The following RTN4 variants were observed in gnomAD, a reference collection of about 807,000 sequenced individuals.
The protein encoded by RTN4 is reticulon-4.
A neutral mutation model predicts 90.4 loss-of-function variants in RTN4; 32 were observed. That is an observed-to-expected ratio of 0.35 (90% confidence interval 0.27 to 0.48). The LOEUF (loss-of-function observed/expected upper bound fraction) is 0.48, where lower values mean the gene tolerates loss of function less well. RTN4 is among the 20% of genes least tolerant of loss of function. RTN4 has a pLI of 0.99. For missense variants in RTN4, 1,706 were observed against 1,430.2 expected (o/e 1.19, Z -3.11); for synonymous variants, 629 against 552.5 (o/e 1.14, Z -1.94).
intron 1 of RTN4, among the ~76,000 whole-genome samples, chr2:55,082,905 C>T (rs1254201379): frequency 2.0e-5 from 3 of 152,016 alleles, no homozygotes; most frequent in Non-Finnish European, 2.9e-5. Flanking sequence ...TCTCTGAGAC[C>T]GCGCCACTGC....
intron 1 of RTN4, among the ~76,000 whole-genome samples, chr2:55,089,674 T>C (rs1194622728): frequency 2.0e-5 from 3 of 152,260 alleles, no homozygotes; most frequent in Non-Finnish European, 4.4e-5. Flanking sequence ...CTAGTCGTCA[T>C]TTCCCAAATC....
chr2:55,001,101 G>T (rs950078894), intron 3 of RTN4, among the ~76,000 whole-genome samples: 5 of 151,966 alleles, frequency 3.3e-5, no homozygotes, highest in Admixed American at 6.6e-5. Flanking sequence ...GACAAACACA[G>T]CATATAAAGC....
At chr2:55,060,081 C>T (rs888242613) in intron 2 of RTN4, among the ~76,000 whole-genome samples, 1 of 152,100 alleles carries the variant, frequency 6.6e-6, no homozygotes, top group Non-Finnish European at 1.5e-5. Flanking sequence ...GTCTTGCTAT[C>T]TTCCCACAGC....
the RTN4 span, among the ~76,000 whole-genome samples, chr2:55,133,884 A>C: frequency 6.6e-6 from 1 of 152,188 alleles, no homozygotes. Context: ...AGCAAAGTGA[A>C]AGCAAGTTTA....
chr2:54,998,361 T>C (rs939383726), intron 3 of RTN4, among the ~76,000 whole-genome samples: 10 of 152,184 alleles, frequency 6.6e-5, no homozygotes, highest in Non-Finnish European at 4.4e-5. Context: ...CTACCTAACT[T>C]TATCCCCAGA....
chr2:55,134,848 G>A, the RTN4 span, among the ~76,000 whole-genome samples: 2 of 152,200 alleles, frequency 1.3e-5, no homozygotes, highest in South Asian at 4.1e-4. Context: ...TCCTGAGGAG[G>A]AAACAATTCT....
At chr2:55,041,745 TA>T (rs1683091120) in intron 1 of RTN4, among the ~76,000 whole-genome samples, 2 of 152,012 alleles carry the variant, frequency 1.3e-5, no homozygotes. Flanking sequence ...ATAAAAAGTA[TA>T]AAAGTACTTA....
chr2:55,019,575 T>C (rs544223716), intron 3 of RTN4, among the ~76,000 whole-genome samples: 2 of 152,234 alleles, frequency 1.3e-5, no homozygotes, highest in East Asian at 1.9e-4. Flanking sequence ...AATGAACCCA[T>C]AGCCTCAAAT....
rs1573405267 is a variant in RTN4, at chr2:55,023,082, C to T, written c.3013+2004G>A. Among the ~76,000 whole-genome samples, 5 of 152,220 alleles carry T rather than the reference C, an allele frequency of 3.3e-5. 2 individuals are homozygous for T. The highest frequency in any genetic ancestry group is 3.3e-4 in the Admixed American group (5 of 15,286). Reference sequence around the variant, plus strand: ...ATCTACTCTCCTCCTACCTCTCCTACCTTTTTCTATTCACATCCTTCAACT... The same window carrying T: ...ATCTACTCTCCTCCTACCTCTCCTATCTTTTTCTATTCACATCCTTCAACT... On this transcript the variant is annotated intron_variant, in intron 3 of 8. Coordinates refer to ENST00000337526, the MANE Select transcript of RTN4 (RefSeq NM_020532.5).
intron 1 of RTN4, among the ~76,000 whole-genome samples, chr2:55,093,761 A>G (rs868337313): frequency 9.2e-5 from 14 of 152,326 alleles, no homozygotes; most frequent in Non-Finnish European, 1.6e-4. Context: ...CAGCCAGAGG[A>G]AGGCAGTCTG....
At chr2:54,986,523 G>T (rs937975068) in intron 4 of RTN4, among the ~76,000 whole-genome samples, 1 of 152,216 alleles carries the variant, frequency 6.6e-6, no homozygotes, top group African/African-American at 2.4e-5. Context: ...CAGGCCCCTG[G>T]TTAGACTGAG....
At chr2:55,007,783 C>T (rs999960194) in intron 3 of RTN4, among the ~76,000 whole-genome samples, 2 of 152,046 alleles carry the variant, frequency 1.3e-5, no homozygotes, top group African/African-American at 2.4e-5. Context: ...TCTAGTTCAT[C>T]TAAATTTTCT....
chr2:55,082,553 A>G (rs781655351), intron 1 of RTN4, among the ~76,000 whole-genome samples: 7 of 152,232 alleles, frequency 4.6e-5, no homozygotes, highest in Non-Finnish European at 1.0e-4. Flanking sequence ...ATCTGTCTAT[A>G]AGCCTTGGCT....
At chr2:55,043,441 G>A (rs1683204574) in intron 1 of RTN4, among the ~76,000 whole-genome samples, 1 of 152,152 alleles carries the variant, frequency 6.6e-6, no homozygotes, top group South Asian at 2.1e-4. Context: ...ATTCTAATAA[G>A]TTGCTTGAAG....
At chr2:55,018,106 A>G (rs1681174569) in intron 3 of RTN4, among the ~76,000 whole-genome samples, 1 of 152,230 alleles carries the variant, frequency 6.6e-6, no homozygotes, top group Non-Finnish European at 1.5e-5. Context: ...GTATCCTTGA[A>G]AAAGTTACTT....
At chr2:55,041,000 T>A (rs1328169718) in intron 1 of RTN4, among the ~76,000 whole-genome samples, 2 of 147,634 alleles carry the variant, frequency 1.4e-5, no homozygotes, top group Non-Finnish European at 3.0e-5. Flanking sequence ...GAGACTGCTT[T>A]AAAAAAAAAA....
chr2:55,053,836 T>C (rs186990113), upstream of RTN4, among the ~76,000 whole-genome samples: 5 of 152,090 alleles, frequency 3.3e-5, no homozygotes, highest in African/African-American at 1.2e-4. Context: ...AATCTTAGGG[T>C]TGGGAGAACT....
At chr2:55,047,911 A>G (rs1476902380) in intron 1 of RTN4, among the ~76,000 whole-genome samples, 1 of 152,210 alleles carries the variant, frequency 6.6e-6, no homozygotes. Flanking sequence ...TTTACAGACC[A>G]TACATAGTCA....
chr2:54,974,137 G>A (rs1368253465), intron 6 of RTN4: 1 of 375,526 alleles, frequency 2.7e-6, no homozygotes, highest in Non-Finnish European at 4.9e-6. Flanking sequence ...AGGTATCCCT[G>A]GTTAGATTTA....
Sources: gnomAD v4.1 joint callset for allele counts (sites outside exome capture counted in the v4.1 genomes callset) on GRCh38, gnomAD v4.1.1 for gene constraint, MANE v1.5 for transcripts, NCBI Gene and HGNC (gene_info 2026-07-23, HGNC 2026-07-21) for gene names.